The following ILDR1 variants were observed in gnomAD, a reference collection of about 807,000 sequenced individuals.
ILDR1 encodes immunoglobulin-like domain-containing receptor 1.
Under a neutral mutation model 62.4 loss-of-function variants are expected in ILDR1, and 56 were observed. That is an observed-to-expected ratio of 0.90 (90% confidence interval 0.72 to 1.12). The LOEUF is 1.12. ILDR1 is among the 50% of genes most tolerant of loss of function. ILDR1 has a pLI of 0.00. For missense variants in ILDR1, 736 were observed against 710.6 expected, an observed-to-expected ratio of 1.04 and a Z score of -0.41; for synonymous variants, 284 against 277.8, an observed-to-expected ratio of 1.02 and a Z score of -0.22.
the ILDR1 span, among the ~76,000 whole-genome samples, chr3:122,045,177 C>G: frequency 6.7e-6 from 1 of 149,532 alleles, no homozygotes; most frequent in Non-Finnish European, 1.5e-5. Flanking sequence ...CGTTATGTAC[C>G]CAGTAGTCAT....
At chr3:121,996,902 GTTGTT>G (rs1007921504) in intron 5 of ILDR1, among the ~76,000 whole-genome samples, 9 of 151,882 alleles carry the variant, frequency 5.9e-5, no homozygotes, top group African/African-American at 2.2e-4. Flanking sequence ...TTTTGTTGTT[GTTGTT>G]TTGTTTTGTT....
chr3:121,996,450 C>T (rs184555948), intron 5 of ILDR1, among the ~76,000 whole-genome samples: 4 of 152,298 alleles, frequency 2.6e-5, no homozygotes, highest in Non-Finnish European at 5.9e-5. Context: ...ATGGAAGACA[C>T]AGCCTTTGAG....
chr3:122,056,396 G>A, the ILDR1 span, among the ~76,000 whole-genome samples: 4,125 of 152,200 alleles, frequency 0.027, 89 homozygotes, highest in Non-Finnish European at 0.044. Context: ...GTGCAGTGGC[G>A]CAATCTCAGC....
At chr3:122,057,145 G>A in the ILDR1 span, among the ~76,000 whole-genome samples, 1 of 152,188 alleles carries the variant, frequency 6.6e-6, no homozygotes, top group Non-Finnish European at 1.5e-5. Context: ...TTGTACCCTA[G>A]TTGCGCACTA....
intron 5 of ILDR1, among the ~76,000 whole-genome samples, chr3:121,995,126 C>T (rs1030120397): frequency 3.9e-5 from 6 of 152,176 alleles, no homozygotes; most frequent in African/African-American, 9.7e-5. Flanking sequence ...GCATACAACC[C>T]GCAGTGAGTA....
the ILDR1 span, among the ~76,000 whole-genome samples, chr3:122,032,876 C>CG: frequency 1.3e-5 from 2 of 152,166 alleles, no homozygotes; most frequent in Admixed American, 6.5e-5. Flanking sequence ...GTCCAGTCTT[C>CG]GGAAGAAATG....
rs16832645 is a variant in ILDR1 at position 121,993,511 on chromosome 3, A to G, written c.1238T>C (p.Ile413Thr). 11,828 of 1,614,170 alleles carry G rather than the reference A, an allele frequency of 7.3e-3. 686 individuals carry two copies. The African/African-American group carries it at 0.13, about 18-fold the overall frequency. ...HRSSRLNGSP[I>T]HWSDRDSLSD... Reference sequence around the variant, plus strand: ...TAGGCTGTCCCTGTCTGACCAGTGTATGGGTGACCCATTCAGCCTAGAGCT... The same window carrying G: ...TAGGCTGTCCCTGTCTGACCAGTGTGTGGGTGACCCATTCAGCCTAGAGCT... The change falls in exon 7 of 8, where the codon ATA becomes ACA. Residue 413 changes from isoleucine to threonine, a missense_variant. Transcript: ENST00000344209.
intron 7 of ILDR1, among the ~76,000 whole-genome samples, chr3:121,990,821 C>T (rs747124800): frequency 5.3e-5 from 8 of 152,190 alleles, no homozygotes; most frequent in Non-Finnish European, 1.0e-4. Flanking sequence ...GCAATTCAAA[C>T]CTAAGCTTCA....
chr3:122,001,529 G>A (rs2071525922), intron 4 of ILDR1, 75 bp from the exon 5 acceptor site: 1 of 1,561,990 alleles, frequency 6.4e-7, no homozygotes, highest in Admixed American at 1.7e-5. Flanking sequence ...TGATATCCTA[G>A]AGGTCTCATA....
At chr3:121,994,155 CT>C in intron 6 of ILDR1, 26 bp downstream of exon 6, 2 of 1,535,318 alleles carry the variant, frequency 1.3e-6, no homozygotes, top group Non-Finnish European at 8.7e-7. Flanking sequence ...CTGCCCTCCC[CT>C]ATCCCAAATC....
At chr3:122,048,110 T>G in the ILDR1 span, among the ~76,000 whole-genome samples, 1 of 152,260 alleles carries the variant, frequency 6.6e-6, no homozygotes, top group Admixed American at 6.5e-5. Context: ...TTTATTATGT[T>G]GAGGTAAATT....
the ILDR1 span, among the ~76,000 whole-genome samples, chr3:122,036,535 G>A: frequency 6.6e-6 from 1 of 151,056 alleles, no homozygotes; most frequent in African/African-American, 2.4e-5. Context: ...CTTGCAGTGA[G>A]CCGAGATCAT....
At chr3:121,999,189 A>G (rs1453484709) in intron 5 of ILDR1, among the ~76,000 whole-genome samples, 1 of 152,166 alleles carries the variant, frequency 6.6e-6, no homozygotes, top group Non-Finnish European at 1.5e-5. Flanking sequence ...TAGGTCATTC[A>G]TTATTTTTCC....
the ILDR1 span, among the ~76,000 whole-genome samples, chr3:122,051,186 A>T: frequency 6.6e-6 from 1 of 152,154 alleles, no homozygotes; most frequent in Non-Finnish European, 1.5e-5. Flanking sequence ...CAGATTTGAG[A>T]AGTTTTCAGC....
intron 3 of ILDR1, among the ~76,000 whole-genome samples, chr3:122,003,705 T>C (rs1477721011): frequency 6.6e-6 from 1 of 151,974 alleles, no homozygotes; most frequent in East Asian, 1.9e-4. Flanking sequence ...ATTCCTGTGG[T>C]AGTAAGAATG....
At position 122,001,745 on chromosome 3, in the gene ILDR1, G is replaced by A. The variant is rs1407047461; in HGVS notation, c.499C>T (p.His167Tyr). 49 of 1,612,262 alleles carry A rather than the reference G, an allele frequency of 3.0e-5. No homozygotes were observed. Among genetic ancestry groups the A allele is most frequent in the African/African-American group, 9.4e-5 (7 of 74,430 alleles). Residue 167 changes from histidine to tyrosine, a missense_variant and splice_region_variant, in exon 4 of 8, where the codon CAC becomes TAC. Coordinates refer to ENST00000344209, the MANE Select transcript of ILDR1 (RefSeq NM_001199799.2). Reference sequence around the variant, plus strand: ...AATAGAAAGCTCCAGTAGCACTTACGTAGGACGATGAGCTTTACTTCCTTA... The same window carrying A: ...AATAGAAAGCTCCAGTAGCACTTACATAGGACGATGAGCTTTACTTCCTTA... ...PDKEVKLIVLHWLTVIFIILG... is the reference protein window; with the variant it reads ...PDKEVKLIVLYWLTVIFIILG...
the ILDR1 span, among the ~76,000 whole-genome samples, chr3:122,033,970 T>C: frequency 0.049 from 7,451 of 152,318 alleles, 234 homozygotes; most frequent in East Asian, 0.11. Flanking sequence ...CTTGGTTCTT[T>C]GCATTTCTAC....
upstream of ILDR1, among the ~76,000 whole-genome samples, chr3:122,027,215 G>T (rs1290778629): frequency 6.6e-6 from 1 of 152,108 alleles, no homozygotes; most frequent in Non-Finnish European, 1.5e-5. Flanking sequence ...TTGAGACGGA[G>T]TTTCACTCTT....
the ILDR1 span, among the ~76,000 whole-genome samples, chr3:122,055,689 T>C: frequency 1.3e-5 from 2 of 152,228 alleles, no homozygotes; most frequent in African/African-American, 2.4e-5. Context: ...AAGCAGTTCA[T>C]TGGTGGTAGT....
Sources: allele counts gnomAD v4.1 joint callset (sites outside exome capture counted in the v4.1 genomes callset), GRCh38; gene constraint gnomAD v4.1.1; transcripts MANE v1.5; gene names NCBI Gene and HGNC (gene_info 2026-07-23, HGNC 2026-07-21).